The following DAB1 variants were observed in gnomAD, a reference collection of about 807,000 sequenced individuals.
The protein encoded by DAB1 is disabled homolog 1.
DAB1 carries 15 observed loss-of-function variants against 64.6 expected under a neutral mutation model. The observed-to-expected ratio is 0.23, with a 90% CI of 0.16 to 0.36. DAB1 has a LOEUF of 0.36. Among genes scored for constraint, DAB1 ranks in the 10% least tolerant of loss-of-function variants. The probability of loss-of-function intolerance (pLI) is 1.00; values close to 1 mark genes in which losing one functional copy is unlikely to be tolerated. For missense variants in DAB1, 596 were observed against 706.7 expected, an observed-to-expected ratio of 0.84 and a Z score of 1.78; for synonymous variants, 235 against 251.9, an observed-to-expected ratio of 0.93 and a Z score of 0.64.
chr1:58,375,495 G>C (rs1253417912), intron 3 of DAB1, among the ~76,000 whole-genome samples: 2 of 142,168 alleles, frequency 1.4e-5, no homozygotes, highest in Admixed American at 7.0e-5. Context: ...ATTGATTTGC[G>C]TATATTGAAC....
intron 6 of DAB1, among the ~76,000 whole-genome samples, chr1:57,729,900 T>A (rs11807479): frequency 0.12 from 18,741 of 151,786 alleles, 1,782 homozygotes; most frequent in African/African-American, 0.26. Context: ...ATCTCTAAAA[T>A]AAAATAAAAT....
chr1:58,185,936 G>T (rs1657054183), intron 4 of DAB1, among the ~76,000 whole-genome samples: 1 of 152,174 alleles, frequency 6.6e-6, no homozygotes, highest in African/African-American at 2.4e-5. Flanking sequence ...GGATACTGTG[G>T]TTTGCTTCAT....
At chr1:57,394,264 G>A (rs945225265) in intron 1 of DAB1, among the ~76,000 whole-genome samples, 11 of 152,216 alleles carry the variant, frequency 7.2e-5, no homozygotes, top group South Asian at 2.1e-4. Flanking sequence ...CCCAACGGGC[G>A]TTGTGTTGCA....
chr1:58,100,635 C>T (rs933209819), intron 5 of DAB1, among the ~76,000 whole-genome samples: 1 of 152,134 alleles, frequency 6.6e-6, no homozygotes, highest in Non-Finnish European at 1.5e-5. Flanking sequence ...TGAGGTCCCA[C>T]CAAACTGTTT....
At chr1:57,547,751 C>T (rs540332074) in intron 7 of DAB1, among the ~76,000 whole-genome samples, 54 of 152,214 alleles carry the variant, frequency 3.5e-4, no homozygotes, top group African/African-American at 1.1e-3. Flanking sequence ...ATCCAAATAA[C>T]GTCTATAGTT....
intron 1 of DAB1, among the ~76,000 whole-genome samples, chr1:57,338,760 A>C (rs1395943694): frequency 6.6e-6 from 1 of 152,166 alleles, no homozygotes; most frequent in East Asian, 1.9e-4. Flanking sequence ...CTTGTGTACT[A>C]GTCATGGCCC....
At position 57,270,041 on chromosome 1, in the gene DAB1, G is replaced by A. The variant is rs545392736; in HGVS notation, c.67+20923C>T. On this transcript the variant is annotated intron_variant, in intron 2 of 14. Coordinates refer to ENST00000371236, the MANE Select transcript of DAB1 (RefSeq NM_001365792.1). ...TGAAAAGCCCGAGCTCTTTCAGGGT[G>A]AAAGGCAAAGGAGAGCCCGAGCACT... Among the ~76,000 whole-genome samples, 7 of 152,308 alleles carry A rather than the reference G, an allele frequency of 4.6e-5. No homozygotes were observed. In the South Asian group the frequency reaches 1.5e-3, roughly 32 times the overall value.
At chr1:58,296,784 G>A (rs139106818) in intron 4 of DAB1, among the ~76,000 whole-genome samples, 1 of 152,274 alleles carries the variant, frequency 6.6e-6, no homozygotes, top group East Asian at 1.9e-4. Flanking sequence ...GGTGGAGCAA[G>A]ACTACCTGGG....
chr1:58,062,655 C>T (rs1033952976), intron 5 of DAB1, among the ~76,000 whole-genome samples: 5 of 152,208 alleles, frequency 3.3e-5, no homozygotes, highest in African/African-American at 4.8e-5. Context: ...ACACTCACTA[C>T]GGTGCCAGGA....
At chr1:57,776,518 A>G (rs1266094894) in intron 6 of DAB1, among the ~76,000 whole-genome samples, 1 of 151,432 alleles carries the variant, frequency 6.6e-6, no homozygotes, top group Non-Finnish European at 1.5e-5. Flanking sequence ...TCTATTTTCT[A>G]TCCTTTTCAT....
At chr1:57,184,697 T>C (rs112350560) in intron 2 of DAB1, among the ~76,000 whole-genome samples, 1 of 152,154 alleles carries the variant, frequency 6.6e-6, no homozygotes, top group African/African-American at 2.4e-5. Context: ...CTGGATCATG[T>C]ACTCCACAAA....
intron 3 of DAB1, among the ~76,000 whole-genome samples, chr1:58,463,442 G>A (rs940727888): frequency 3.3e-5 from 5 of 152,256 alleles, no homozygotes; most frequent in Non-Finnish European, 5.9e-5. Flanking sequence ...TGTTTTGTGT[G>A]TGGCACCCTG....
intron 6 of DAB1, among the ~76,000 whole-genome samples, chr1:57,801,127 T>C (rs1164606006): frequency 3.3e-5 from 5 of 152,224 alleles, no homozygotes; most frequent in Non-Finnish European, 7.3e-5. Context: ...CATTCTTATT[T>C]GTGTCTGAAT....
At chr1:58,395,023 G>A (rs1260525752) in intron 3 of DAB1, among the ~76,000 whole-genome samples, 1 of 151,744 alleles carries the variant, frequency 6.6e-6, no homozygotes, top group Non-Finnish European at 1.5e-5. Flanking sequence ...GAGGAGTCAT[G>A]GAAAGCCTCC....
At chr1:57,082,555 G>C (rs1652648951) in intron 4 of DAB1, among the ~76,000 whole-genome samples, 1 of 152,070 alleles carries the variant, frequency 6.6e-6, no homozygotes, top group South Asian at 2.1e-4. Context: ...TTAAGTTCCA[G>C]GATACATGTG....
chr1:57,681,860 C>T (rs1646639730), intron 6 of DAB1, among the ~76,000 whole-genome samples: 1 of 152,068 alleles, frequency 6.6e-6, no homozygotes. Flanking sequence ...TAATTAGAAA[C>T]CTGTAGATAG....
Position 56,996,190 on chromosome 1 carries a change from AT to A in DAB1, c.*1953del, listed in dbSNP as rs1386690446. Reference sequence around the variant, plus strand: ...AATCTCCCAAATCATTTTAGTTTCTATTGATATGAAGAATCAAATGCAGGCC... The same window carrying A: ...AATCTCCCAAATCATTTTAGTTTCTATGATATGAAGAATCAAATGCAGGCC... On this transcript the variant is annotated 3_prime_UTR_variant, in exon 15 of 15. Coordinates refer to ENST00000371236, the MANE Select transcript of DAB1 (RefSeq NM_001365792.1). 1 of 152,234 alleles carries A rather than the reference AT, an allele frequency of 6.6e-6. No individual in the cohort carries two copies. Among genetic ancestry groups the A allele is most frequent in the East Asian group, 1.9e-4 (1 of 5,200 alleles). The allele number at this position is 152,234 out of a possible 1,614,324, so 9.4% of individuals were successfully genotyped here.
chr1:57,825,938 C>T (rs1277015601), downstream of DAB1: 1 of 152,160 alleles, frequency 6.6e-6, no homozygotes, highest in African/African-American at 2.4e-5. Flanking sequence ...TTTGCATGCT[C>T]ATCTGCATCA....
chr1:57,601,994 T>G (rs1645580676), intron 7 of DAB1, among the ~76,000 whole-genome samples: 1 of 152,208 alleles, frequency 6.6e-6, no homozygotes, highest in Non-Finnish European at 1.5e-5. Context: ...AGAAATGCTC[T>G]GAGGTGTGTA....
Sources: gnomAD v4.1 joint callset for allele counts (sites outside exome capture counted in the v4.1 genomes callset) on GRCh38, gnomAD v4.1.1 for gene constraint, MANE v1.5 for transcripts, NCBI Gene and HGNC (gene_info 2026-07-23, HGNC 2026-07-21) for gene names.